The following KLHL1 variants were observed in gnomAD, a reference collection of about 807,000 sequenced individuals.
KLHL1 encodes the protein kelch like family member 1.
A neutral mutation model predicts 77.7 loss-of-function variants in KLHL1; 47 were observed. The observed-to-expected ratio is 0.60, with a 90% CI of 0.48 to 0.77. KLHL1 has a LOEUF of 0.77. Ranked by LOEUF, KLHL1 falls within the 30% of genes least tolerant of loss-of-function variation. The pLI is 0.00. For synonymous variants in KLHL1, 360 were observed against 325.2 expected, an observed-to-expected ratio of 1.11 and a Z score of -1.15; for missense variants, 925 against 910.8, an observed-to-expected ratio of 1.02 and a Z score of -0.20.
intron 4 of KLHL1, among the ~76,000 whole-genome samples, chr13:69,937,482 T>C (rs1203630250): frequency 6.6e-6 from 1 of 152,168 alleles, no homozygotes; most frequent in Admixed American, 6.6e-5. Context: ...TTTGCCACTC[T>C]CTACTGCTTT....
At chr13:69,972,306 A>C (rs542255353) in intron 2 of KLHL1, among the ~76,000 whole-genome samples, 1 of 152,126 alleles carries the variant, frequency 6.6e-6, no homozygotes, top group African/African-American at 2.4e-5. Context: ...AAAGAACATT[A>C]AAATAATAAA....
At chr13:69,895,205 G>T in intron 4 of KLHL1, 1 of 502,416 alleles carries the variant, frequency 2.0e-6, no homozygotes, top group South Asian at 1.5e-5. Context: ...CACTGAATGT[G>T]AGGTGTTACC....
At chr13:69,827,502 C>T (rs1463163445) in intron 6 of KLHL1, among the ~76,000 whole-genome samples, 5 of 151,872 alleles carry the variant, frequency 3.3e-5, no homozygotes, top group African/African-American at 4.8e-5. Flanking sequence ...GAAGCCAAGG[C>T]GGGTGGATCA....
chr13:69,995,418 T>C (rs1324801820), intron 1 of KLHL1, among the ~76,000 whole-genome samples: 1 of 152,126 alleles, frequency 6.6e-6, no homozygotes, highest in East Asian at 1.9e-4. Flanking sequence ...AATGTATAGA[T>C]CTTTTGTGTA....
At chr13:70,055,566 AAG>A (rs1886725189) in intron 1 of KLHL1, among the ~76,000 whole-genome samples, 1 of 152,132 alleles carries the variant, frequency 6.6e-6, no homozygotes, top group South Asian at 2.1e-4. Flanking sequence ...CGTGAGTAGA[AAG>A]AGTAAAAGAC....
At chr13:70,023,292 C>A (rs1304906816) in intron 1 of KLHL1, among the ~76,000 whole-genome samples, 1 of 151,820 alleles carries the variant, frequency 6.6e-6, no homozygotes, top group Non-Finnish European at 1.5e-5. Context: ...CCTCTCTCTA[C>A]GTGTGTGTAC....
intron 7 of KLHL1, among the ~76,000 whole-genome samples, chr13:69,747,649 A>G (rs1874275183): frequency 6.6e-6 from 1 of 152,036 alleles, no homozygotes; most frequent in Non-Finnish European, 1.5e-5. Context: ...AATGTTCAAT[A>G]GAATTAGTAA....
chr13:70,029,035 A>C (rs2137363113), intron 1 of KLHL1, among the ~76,000 whole-genome samples: 1 of 152,234 alleles, frequency 6.6e-6, no homozygotes, highest in African/African-American at 2.4e-5. Flanking sequence ...TATCAGAACA[A>C]AAGCAAGGAT....
chr13:69,978,068 A>C (rs954813931), intron 1 of KLHL1, among the ~76,000 whole-genome samples: 36 of 152,120 alleles, frequency 2.4e-4, no homozygotes, highest in African/African-American at 8.7e-4. Flanking sequence ...CAAGTTCGCA[A>C]ATTACAACCC....
chr13:69,795,431 G>T (rs1424317), intron 7 of KLHL1, among the ~76,000 whole-genome samples: 12,356 of 152,172 alleles, frequency 0.081, 586 homozygotes, highest in Non-Finnish European at 0.099. Context: ...TGTCTAACAT[G>T]TATGTTCTAA....
intron 7 of KLHL1, among the ~76,000 whole-genome samples, chr13:69,785,884 C>T (rs1367349033): frequency 1.2e-4 from 19 of 152,254 alleles, no homozygotes; most frequent in African/African-American, 1.7e-4. Flanking sequence ...AACACATCTA[C>T]GCAAATGAAC....
intron 6 of KLHL1, among the ~76,000 whole-genome samples, chr13:69,798,902 T>A (rs910133327): frequency 6.6e-6 from 1 of 151,688 alleles, no homozygotes. Flanking sequence ...CGAAACCCCA[T>A]CTCCACTAAA....
chr13:70,050,115 T>G (rs1281085902), intron 1 of KLHL1, among the ~76,000 whole-genome samples: 3 of 151,892 alleles, frequency 2.0e-5, no homozygotes, highest in African/African-American at 7.2e-5. Context: ...GATGACACTA[T>G]AAAAAACAAA....
intron 1 of KLHL1, among the ~76,000 whole-genome samples, chr13:70,078,300 TA>T (rs549414640): frequency 2.6e-5 from 4 of 152,038 alleles, no homozygotes; most frequent in African/African-American, 7.2e-5. Flanking sequence ...ATGCTTATAT[TA>T]AAAAGGTCAT....
chr13:69,780,709 T>TATATATATATATATAC (rs1333208359), intron 7 of KLHL1, among the ~76,000 whole-genome samples: 8 of 37,340 alleles, frequency 2.1e-4, no homozygotes, highest in Non-Finnish European at 2.5e-4. Flanking sequence ...TATGTATATA[T>TATATATATATATATAC]ATATATGTAT....
At chr13:69,848,928 T>C (rs896418981) in intron 5 of KLHL1, among the ~76,000 whole-genome samples, 3 of 151,574 alleles carry the variant, frequency 2.0e-5, no homozygotes, top group African/African-American at 7.3e-5. Context: ...GATGCTATAA[T>C]TTTTGATTAA....
In KLHL1 at chr13:69,701,484, A is replaced by G. The variant is rs1875391593; in HGVS notation, c.*218T>C. 4.2e-6 allele frequency: 2 copies of G among 472,596 alleles called. No homozygotes were observed. Among genetic ancestry groups the G allele is most frequent in the Non-Finnish European group, 7.6e-6 (2 of 264,490 alleles). The allele number at this position is 472,596 out of a possible 1,614,324, so 29.3% of individuals were successfully genotyped here. A position where few individuals can be genotyped will look rare whatever the true frequency, so the allele number is the denominator to read the frequency against. On this transcript the variant is annotated 3_prime_UTR_variant, in exon 11 of 11. Transcript: ENST00000377844. ...AATTACCAATAACCATTCCCGAACTAACTAACATATGGCCAGACATTTTTC... is the reference window on the plus strand; with the variant it reads ...AATTACCAATAACCATTCCCGAACTGACTAACATATGGCCAGACATTTTTC...
At chr13:70,060,136 A>T (rs1886842695) in intron 1 of KLHL1, among the ~76,000 whole-genome samples, 1 of 152,240 alleles carries the variant, frequency 6.6e-6, no homozygotes, top group Non-Finnish European at 1.5e-5. Context: ...TTACAGAAGA[A>T]GATATACAAA....
chr13:70,028,990 A>AC (rs2137363038), intron 1 of KLHL1, among the ~76,000 whole-genome samples: 1 of 151,992 alleles, frequency 6.6e-6, no homozygotes, highest in African/African-American at 2.4e-5. Context: ...AAAAAAAAAA[A>AC]AAAATCACTA....
Sources: gnomAD v4.1 joint callset for allele counts (sites outside exome capture counted in the v4.1 genomes callset) on GRCh38, gnomAD v4.1.1 for gene constraint, MANE v1.5 for transcripts, NCBI Gene and HGNC (gene_info 2026-07-23, HGNC 2026-07-21) for gene names.